JAK2: variants seen among roughly 807,000 people sequenced by gnomAD.
JAK2 encodes the protein Janus kinase 2.
Under a neutral mutation model 139.3 loss-of-function variants are expected in JAK2, and 86 were observed. That is an observed-to-expected ratio of 0.62 (90% CI 0.52 to 0.74). JAK2 has a LOEUF of 0.74. JAK2 is among the 30% of genes least tolerant of loss of function. The pLI is 0.00. For synonymous variants in JAK2, 490 were observed against 437.7 expected, an observed-to-expected ratio of 1.12 and a Z score of -1.49; for missense variants, 1,421 against 1,360.3, an observed-to-expected ratio of 1.04 and a Z score of -0.70.
At chr9:5,062,723 C>T (rs912476858) in intron 8 of JAK2, among the ~76,000 whole-genome samples, 1 of 152,012 alleles carries the variant, frequency 6.6e-6, no homozygotes, top group South Asian at 2.1e-4. Flanking sequence ...GTATCCTTTG[C>T]CAACACTGGA....
At chr9:5,115,242 TG>T (rs1823045706) in intron 22 of JAK2, among the ~76,000 whole-genome samples, 1 of 151,580 alleles carries the variant, frequency 6.6e-6, no homozygotes, top group Non-Finnish European at 1.5e-5. Flanking sequence ...CATCAAAAAG[TG>T]GGTAAAGGAT....
intron 2 of JAK2, among the ~76,000 whole-genome samples, chr9:5,021,072 A>C (rs774589362): frequency 3.9e-5 from 6 of 152,074 alleles, no homozygotes; most frequent in Non-Finnish European, 7.4e-5. Context: ...AGGAGTTTGC[A>C]GTGAAAATGT....
rs772889316 is a variant in JAK2 at position 5,123,120 on chromosome 9, C to A, written c.3176C>A (p.Ala1059Glu). 6.4e-7 allele frequency: 1 copy of A among 1,563,404 alleles called. No homozygotes were observed. Among genetic ancestry groups the A allele is most frequent in the Non-Finnish European group, 8.7e-7 (1 of 1,145,896 alleles). Residue 1059 changes from alanine (A) to glutamate (E), a missense_variant and splice_region_variant, in exon 23 of 25, where the codon GCG becomes GAG. Coordinates refer to ENST00000381652, the MANE Select transcript of JAK2 (RefSeq NM_004972.4). ...TYIEKSKSPPAEFMRMIGNDK... is the reference protein window; with the variant it reads ...TYIEKSKSPPEEFMRMIGNDK... ...ATTGAGAAGAGTAAAAGTCCACCAG[C>A]GGTCAGTGTGCTTTTTATTTACTTT...
At chr9:4,991,552 C>T (rs1044140064) in intron 2 of JAK2, among the ~76,000 whole-genome samples, 1 of 152,130 alleles carries the variant, frequency 6.6e-6, no homozygotes, top group Non-Finnish European at 1.5e-5. Context: ...ATCAGTGAGT[C>T]TTGTCTATTG....
At chr9:5,058,128 G>T (rs548129947) in intron 8 of JAK2, among the ~76,000 whole-genome samples, 1 of 152,060 alleles carries the variant, frequency 6.6e-6, no homozygotes, top group Non-Finnish European at 1.5e-5. Flanking sequence ...TTTGACAATT[G>T]TGAGTAATGC....
intron 2 of JAK2, among the ~76,000 whole-genome samples, chr9:4,986,600 TAAG>T (rs1185916226): frequency 6.6e-6 from 1 of 152,202 alleles, no homozygotes; most frequent in African/African-American, 2.4e-5. Flanking sequence ...GGTTTCATAA[TAAG>T]TTTGTACAGT....
intron 2 of JAK2, among the ~76,000 whole-genome samples, chr9:5,020,619 C>T (rs868577527): frequency 9.2e-5 from 14 of 152,106 alleles, no homozygotes; most frequent in African/African-American, 3.4e-4. Flanking sequence ...TGAAGCTGTA[C>T]TCAGGGTGCA....
rs58424625 is a variant in JAK2, at chr9:5,062,500, T to TAAAAAA, written c.1057-2357_1057-2352dup. The stretch of plus-strand genomic sequence containing the variant: ...AAGTTTGTCAGAAACCTTCCATTTG[T>TAAAAAA]AAAAAAAAAAAAAAAAAAAAAAAAA... On this transcript the variant is annotated intron_variant, in intron 8 of 24. Transcript: ENST00000381652. 2.7e-4 allele frequency among the ~76,000 whole-genome samples: 16 copies of TAAAAAA among 58,246 alleles called. 1 individual carries two copies. Among genetic ancestry groups the TAAAAAA allele is most frequent in the South Asian group, 1.3e-3 (2 of 1,590 alleles). The allele number at this position is 58,246 out of a possible 152,430, so 38.2% of individuals were successfully genotyped here.
At chr9:5,003,871 TA>T (rs542100289) in intron 2 of JAK2, among the ~76,000 whole-genome samples, 1 of 152,210 alleles carries the variant, frequency 6.6e-6, no homozygotes, top group Admixed American at 6.5e-5. Context: ...AGTTTGCTTT[TA>T]TTCCTAGTTT....
intron 2 of JAK2, among the ~76,000 whole-genome samples, chr9:4,999,220 T>C (rs1820789077): frequency 6.6e-6 from 1 of 152,340 alleles, no homozygotes; most frequent in Non-Finnish European, 1.5e-5. Flanking sequence ...CCCTTAAATG[T>C]ATGGCTGTTC....
At chr9:5,014,936 C>T (rs1390067803) in intron 2 of JAK2, among the ~76,000 whole-genome samples, 3 of 148,092 alleles carry the variant, frequency 2.0e-5, no homozygotes, top group Non-Finnish European at 3.0e-5. Flanking sequence ...TTTTTTTTTG[C>T]GGGGGCGGGG....
intron 8 of JAK2, among the ~76,000 whole-genome samples, chr9:5,061,980 GA>G (rs1435638268): frequency 6.6e-6 from 1 of 152,150 alleles, no homozygotes; most frequent in Non-Finnish European, 1.5e-5. Flanking sequence ...AAAAGAAAGG[GA>G]AATAGCTATT....
intron 8 of JAK2, among the ~76,000 whole-genome samples, chr9:5,057,541 T>TC (rs1817849865): frequency 1.3e-5 from 2 of 151,280 alleles, no homozygotes; most frequent in South Asian, 4.2e-4. Flanking sequence ...ACTCACCATT[T>TC]CCCCCTCTTC....
At position 5,127,825 on chromosome 9, in the gene JAK2, T is replaced by C; in HGVS notation, c.*1034T>C. 1 of 232,510 alleles carries C rather than the reference T, an allele frequency of 4.3e-6. No individual in the cohort carries two copies. Among genetic ancestry groups the C allele is most frequent in the Middle Eastern group, 1.3e-3 (1 of 782 alleles). 14.4% of individuals were successfully genotyped at this position (232,510 alleles called of 1,614,324 possible). On this transcript the variant is annotated 3_prime_UTR_variant, in exon 25 of 25. Coordinates refer to ENST00000381652, the MANE Select transcript of JAK2 (RefSeq NM_004972.4). ...TCCTAAAGACTGTATATTTGAGGGG[T>C]TTCAGAATTTTGCATTGCAGTCATA...
At chr9:5,051,984 C>A (rs1234903655) in intron 6 of JAK2, among the ~76,000 whole-genome samples, 2 of 151,978 alleles carry the variant, frequency 1.3e-5, no homozygotes, top group Non-Finnish European at 2.9e-5. Context: ...AAAACACATT[C>A]ATTCATTCAA....
At chr9:4,990,106 C>G (rs1384936432) in intron 2 of JAK2, among the ~76,000 whole-genome samples, 1 of 152,070 alleles carries the variant, frequency 6.6e-6, no homozygotes, top group Middle Eastern at 3.2e-3. Flanking sequence ...AGAGATGTCA[C>G]AAGACATTAT....
At chr9:5,029,997 C>T (rs1014579311) in intron 4 of JAK2, 91 bp downstream of exon 4, 1 of 1,110,752 alleles carries the variant, frequency 9.0e-7, no homozygotes, top group Non-Finnish European at 1.3e-6. Context: ...TACTTAATAC[C>T]AGATACCTGA....
At chr9:5,087,413 G>C (rs998609395) in intron 19 of JAK2, among the ~76,000 whole-genome samples, 2 of 152,164 alleles carry the variant, frequency 1.3e-5, no homozygotes, top group East Asian at 1.9e-4. Context: ...AATGACATGT[G>C]GGGATTATGG....
chr9:5,058,060 G>T (rs191947486), intron 8 of JAK2, among the ~76,000 whole-genome samples: 124 of 152,218 alleles, frequency 8.1e-4, no homozygotes, highest in African/African-American at 2.7e-3. Context: ...TCTGTGTCAT[G>T]TATATACCAC....
Sources: gnomAD v4.1 joint callset for allele counts (sites outside exome capture counted in the v4.1 genomes callset) on GRCh38, gnomAD v4.1.1 for gene constraint, MANE v1.5 for transcripts, NCBI Gene and HGNC (gene_info 2026-07-23, HGNC 2026-07-21) for gene names.